Variants in NELL1 observed in about 807,000 individuals in gnomAD.
NELL1 encodes neural EGFL like 1.
NELL1 carries 76 observed loss-of-function variants against 107.4 expected under a neutral mutation model. The ratio of observed to expected loss-of-function variants is 0.71; its 90% CI spans 0.59 to 0.86. The LOEUF (loss-of-function observed/expected upper bound fraction) is 0.86. NELL1 is among the 40% of genes least tolerant of loss of function. NELL1 has a pLI of 0.00. For missense variants in NELL1, 1,024 were observed against 1,005.5 expected (o/e 1.02, Z -0.25); for synonymous variants, 353 against 341.2 (o/e 1.03, Z -0.38).
At chr11:20,898,392 G>A (rs950838143) in intron 5 of NELL1, among the ~76,000 whole-genome samples, 2 of 152,010 alleles carry the variant, frequency 1.3e-5, no homozygotes, top group Non-Finnish European at 2.9e-5. Flanking sequence ...GACACAGGAA[G>A]GGGAATATCA....
Position 21,169,458 on chromosome 11 carries a change from T to C in NELL1, c.1426+55744T>C, listed in dbSNP as rs527912954. 7.2e-5 allele frequency among the ~76,000 whole-genome samples: 11 copies of C among 152,002 alleles called. No homozygotes were observed. The South Asian group carries it at 2.1e-3, about 29-fold the overall frequency. On this transcript the variant is annotated intron_variant, in intron 13 of 19. Coordinates refer to ENST00000357134, the MANE Select transcript of NELL1 (RefSeq NM_006157.5). ...TATTTTTTTGTTCACATGTAATACC[T>C]ATGCAGAACTCCAGGGTATACATTT...
chr11:21,416,106 T>C (rs1350667700), intron 15 of NELL1, among the ~76,000 whole-genome samples: 1 of 152,146 alleles, frequency 6.6e-6, no homozygotes, highest in East Asian at 1.9e-4. Context: ...AGAGAGAAAA[T>C]AGAACGCTAC....
chr11:20,853,909 G>T (rs1040020159), intron 4 of NELL1, among the ~76,000 whole-genome samples: 1 of 152,082 alleles, frequency 6.6e-6, no homozygotes, highest in African/African-American at 2.4e-5. Context: ...GAGTGGGGAA[G>T]GAAACACCTC....
At chr11:20,802,248 T>C (rs1344688906) in intron 3 of NELL1, among the ~76,000 whole-genome samples, 3 of 152,198 alleles carry the variant, frequency 2.0e-5, no homozygotes, top group Non-Finnish European at 2.9e-5. Context: ...TGTGTGTTTG[T>C]CCTCTTCACA....
At chr11:20,930,421 T>G (rs1027522943) in intron 9 of NELL1, among the ~76,000 whole-genome samples, 1 of 152,240 alleles carries the variant, frequency 6.6e-6, no homozygotes, top group African/African-American at 2.4e-5. Flanking sequence ...GTCATTTTCA[T>G]GAGCTTCATT....
rs975272495 is a variant in NELL1 at position 21,432,902 on chromosome 11, A to T, written c.1645+61954A>T. Among the ~76,000 whole-genome samples the T allele has an allele frequency of 7.9e-5, 12 of 152,142 alleles. No individual in the cohort carries two copies. In the South Asian group the frequency reaches 1.2e-3, roughly 16 times the overall value. On this transcript the variant is annotated intron_variant, in intron 15 of 19. Transcript: ENST00000357134. Reference sequence around the variant, plus strand: ...GTCTTCTGGCTTTTTGAAAATATACACTAAATGATTGCTAACTGTATTCAG... The same window carrying T: ...GTCTTCTGGCTTTTTGAAAATATACTCTAAATGATTGCTAACTGTATTCAG...
chr11:21,222,100 C>T lies in NELL1; in HGVS notation c.1427-7232C>T, dbSNP rs182846282. Among the ~76,000 whole-genome samples the T allele has an allele frequency of 6.4e-3, 968 of 152,038 alleles. 4 individuals carry two copies. The highest frequency in any genetic ancestry group is 0.01 in the Non-Finnish European group (695 of 67,962). ...CTTTTCTTATTTTTCCTTAGTCTAG[C>T]GAAAGGTTTGTTGATTTTGTTTATC... On this transcript the variant is annotated intron_variant, in intron 13 of 19. Coordinates refer to ENST00000357134, the MANE Select transcript of NELL1 (RefSeq NM_006157.5).
At chr11:20,980,649 T>G (rs1490456301) in intron 12 of NELL1, among the ~76,000 whole-genome samples, 1 of 152,218 alleles carries the variant, frequency 6.6e-6, no homozygotes, top group Non-Finnish European at 1.5e-5. Flanking sequence ...AGATAGTAAC[T>G]TGACAATATT....
chr11:21,409,469 A>G (rs1314681851), intron 15 of NELL1, among the ~76,000 whole-genome samples: 2 of 152,032 alleles, frequency 1.3e-5, no homozygotes, highest in Non-Finnish European at 2.9e-5. Flanking sequence ...ATTAGGAGAT[A>G]TACCTAATGC....
chr11:21,509,513 T>C (rs189430032), intron 15 of NELL1, among the ~76,000 whole-genome samples: 99 of 152,286 alleles, frequency 6.5e-4, no homozygotes, highest in African/African-American at 2.3e-3. Flanking sequence ...ATGAACAAAT[T>C]AGGCTTACTT....
intron 13 of NELL1, among the ~76,000 whole-genome samples, chr11:21,196,388 C>T (rs1344815966): frequency 6.6e-6 from 1 of 152,112 alleles, no homozygotes; most frequent in Non-Finnish European, 1.5e-5. Context: ...ACCTTAATCC[C>T]ATTTTCTCAC....
chr11:21,373,317 A>G (rs1393161980), intron 15 of NELL1, among the ~76,000 whole-genome samples: 2 of 152,124 alleles, frequency 1.3e-5, no homozygotes, highest in African/African-American at 4.8e-5. Context: ...ATCATTAGCA[A>G]TAAACATTAA....
intron 17 of NELL1, 146 bp downstream of exon 17, chr11:21,560,528 T>G (rs534387619): frequency 1.4e-6 from 1 of 695,398 alleles, no homozygotes; most frequent in South Asian, 2.1e-5. Flanking sequence ...CAGCTAATGA[T>G]GATGCTAAGG....
chr11:21,364,064 A>T lies in NELL1; in HGVS notation c.1550-6789A>T, dbSNP rs184474571. 6.0e-3 allele frequency among the ~76,000 whole-genome samples: 912 copies of T among 152,232 alleles called. 7 individuals are homozygous for T. The highest frequency in any genetic ancestry group is 0.02 in the African/African-American group (841 of 41,528). On this transcript the variant is annotated intron_variant, in intron 14 of 19. Transcript: ENST00000357134. ...GCACTTGTAGACATTTTCTTATATA[A>T]ATATTTCTAAAACTAAGAGCAACAT...
intron 14 of NELL1, among the ~76,000 whole-genome samples, chr11:21,369,269 G>A (rs1237087112): frequency 1.3e-5 from 2 of 151,676 alleles, no homozygotes; most frequent in East Asian, 1.9e-4. Flanking sequence ...AGCCCACAAG[G>A]TATAATTTTT....
chr11:21,455,942 G>T (rs1049123060), intron 15 of NELL1, among the ~76,000 whole-genome samples: 2 of 147,020 alleles, frequency 1.4e-5, no homozygotes, highest in Non-Finnish European at 3.0e-5. Flanking sequence ...ATGCTGGAGT[G>T]CAGTGGCATG....
chr11:21,461,801 G>GCTAA (rs2082579663), intron 15 of NELL1, among the ~76,000 whole-genome samples: 1 of 152,090 alleles, frequency 6.6e-6, no homozygotes, highest in Admixed American at 6.6e-5. Context: ...TAGTCACAAT[G>GCTAA]CTAACTATTC....
intron 14 of NELL1, among the ~76,000 whole-genome samples, chr11:21,270,168 G>C (rs1397680590): frequency 6.6e-6 from 1 of 152,026 alleles, no homozygotes. Flanking sequence ...GTAGTGAAAA[G>C]AAAGCAGTAA....
rs1295517205 is a variant in NELL1, at chr11:20,918,166, C to T, written c.604-16C>T. 3.3e-6 allele frequency: 5 copies of T among 1,493,458 alleles called. No individual in the cohort carries two copies. The highest frequency in any genetic ancestry group is 4.7e-6 in the Non-Finnish European group (5 of 1,071,162). 92.5% of individuals were successfully genotyped at this position (1,493,458 alleles called of 1,614,324 possible). On this transcript the variant is annotated splice_polypyrimidine_tract_variant and intron_variant, in intron 5 of 19. Transcript: ENST00000357134. The stretch of plus-strand genomic sequence containing the variant: ...GACTGTAATCTTGATTGCCACCTGT[C>T]TCTTCTATTATCAAGGGGATCATCC...
Sources: allele counts gnomAD v4.1 joint callset (sites outside exome capture counted in the v4.1 genomes callset), GRCh38; gene constraint gnomAD v4.1.1; transcripts MANE v1.5; gene names NCBI Gene and HGNC (gene_info 2026-07-23, HGNC 2026-07-21).